Variants in PPP4R2 observed in about 807,000 individuals in gnomAD.
The protein encoded by PPP4R2 is protein phosphatase 4 regulatory subunit 2, also known as serine/threonine-protein phosphatase 4 regulatory subunit 2.
PPP4R2 carries 13 observed loss-of-function variants against 47.2 expected under a neutral mutation model. The observed-to-expected ratio is 0.28, with a 90% CI of 0.18 to 0.44. The LOEUF (loss-of-function observed/expected upper bound fraction) is 0.44, where lower values mean the gene tolerates loss of function less well. Among genes scored for constraint, PPP4R2 ranks in the 20% least tolerant of loss-of-function variants. The pLI is 1.00. For synonymous variants in PPP4R2, 151 were observed against 163.3 expected (o/e 0.92, Z 0.57); for missense variants, 421 against 491.2 (o/e 0.86, Z 1.35).
At chr3:73,016,820 T>TTC (rs1701848211) in intron 2 of PPP4R2, among the ~76,000 whole-genome samples, 2 of 143,248 alleles carry the variant, frequency 1.4e-5, no homozygotes, top group South Asian at 4.6e-4. Flanking sequence ...TTTCTTTTTT[T>TTC]TTTTTTTTTT....
chr3:73,005,824 CTCTG>C (rs1401445157), intron 2 of PPP4R2, among the ~76,000 whole-genome samples: 8 of 59,018 alleles, frequency 1.4e-4, no homozygotes, highest in Non-Finnish European at 2.9e-4. Flanking sequence ...AAGAGTGAAA[CTCTG>C]TCTGCAAAAA....
chr3:73,030,723 G>A (rs1702151352), intron 2 of PPP4R2, among the ~76,000 whole-genome samples: 1 of 150,290 alleles, frequency 6.7e-6, no homozygotes, highest in African/African-American at 2.5e-5. Context: ...CTTTTTTTGA[G>A]ATGGAGTCTC....
intron 1 of PPP4R2, 61 bp downstream of exon 1, chr3:72,997,132 T>C: frequency 7.9e-7 from 1 of 1,257,902 alleles, no homozygotes; most frequent in Non-Finnish European, 1.0e-6. Flanking sequence ...CTTCTCTCCT[T>C]TCAGGGCGGA....
intron 2 of PPP4R2, among the ~76,000 whole-genome samples, chr3:73,002,634 CTTTTTTTTTTTTTTT>C (rs1173734970): frequency 1.9e-4 from 8 of 41,166 alleles, no homozygotes; most frequent in Admixed American, 5.4e-4. Flanking sequence ...CTTTTCTTTT[CTTTTTTTTTTTTTTT>C]TTTTTTTTTT....
At chr3:73,050,530 CATTCT>C (rs1252994599) in intron 3 of PPP4R2, among the ~76,000 whole-genome samples, 1 of 151,856 alleles carries the variant, frequency 6.6e-6, no homozygotes, top group Non-Finnish European at 1.5e-5. Flanking sequence ...AGGGTTTGTC[CATTCT>C]TATACACTCC....
intron 2 of PPP4R2, among the ~76,000 whole-genome samples, chr3:73,042,222 A>G (rs891090993): frequency 5.9e-5 from 9 of 152,050 alleles, no homozygotes; most frequent in African/African-American, 1.9e-4. Flanking sequence ...GAATAATTTG[A>G]TTTTCATATT....
At chr3:73,016,754 T>C (rs1388915175) in intron 2 of PPP4R2, among the ~76,000 whole-genome samples, 1 of 133,510 alleles carries the variant, frequency 7.5e-6, no homozygotes, top group Non-Finnish European at 1.7e-5. Flanking sequence ...TTTTTTTTTT[T>C]AATACAGAGT....
intron 5 of PPP4R2, 65 bp downstream of exon 5, chr3:73,061,125 T>TAAGA: frequency 1.4e-6 from 1 of 709,458 alleles, no homozygotes; most frequent in Non-Finnish European, 2.2e-6. Flanking sequence ...TTGCTTCTAA[T>TAAGA]ATATTATTCT....
At chr3:73,007,054 C>G (rs529422961) in intron 2 of PPP4R2, among the ~76,000 whole-genome samples, 2 of 152,190 alleles carry the variant, frequency 1.3e-5, no homozygotes, top group Non-Finnish European at 2.9e-5. Flanking sequence ...AGATGAAAAA[C>G]TGTAGCACCA....
intron 4 of PPP4R2, among the ~76,000 whole-genome samples, 186 bp downstream of exon 4, chr3:73,059,316 AGAG>A (rs1226733560): frequency 1.3e-5 from 2 of 152,184 alleles, no homozygotes; most frequent in Non-Finnish European, 2.9e-5. Context: ...AGGACCGGGT[AGAG>A]GAGGGTTTGT....
chr3:73,011,002 ATAAT>A (rs942200183), intron 2 of PPP4R2, among the ~76,000 whole-genome samples: 34 of 139,730 alleles, frequency 2.4e-4, no homozygotes, highest in Admixed American at 6.4e-4. Flanking sequence ...GAAGGCTTAA[ATAAT>A]TTGTCCAAGG....
chr3:73,015,711 C>G, intron 2 of PPP4R2: 1 of 330,716 alleles, frequency 3.0e-6, no homozygotes, highest in Non-Finnish European at 6.2e-6. Flanking sequence ...CATCTCGGCT[C>G]ACTGCAAGCT....
chr3:73,006,597 C>CT (rs999739310), intron 2 of PPP4R2, among the ~76,000 whole-genome samples: 16 of 151,954 alleles, frequency 1.1e-4, no homozygotes, highest in Non-Finnish European at 1.6e-4. Context: ...TCCACTTCTG[C>CT]TTTTTTTTGA....
chr3:73,020,671 T>TC (rs1701940400), intron 2 of PPP4R2, among the ~76,000 whole-genome samples: 1 of 40,446 alleles, frequency 2.5e-5, no homozygotes, highest in Non-Finnish European at 5.1e-5. Context: ...CCCTGTCTCT[T>TC]TAAAAAAAAA....
chr3:73,038,072 G>C (rs993295407), intron 2 of PPP4R2, among the ~76,000 whole-genome samples: 2 of 152,204 alleles, frequency 1.3e-5, no homozygotes, highest in African/African-American at 4.8e-5. Context: ...ACATGTGGGG[G>C]TGAAGGGATA....
At chr3:73,061,532 C>G (rs1401181475) in intron 5 of PPP4R2, 1 of 155,152 alleles carries the variant, frequency 6.4e-6, no homozygotes, top group Non-Finnish European at 1.4e-5. Flanking sequence ...CCAGATAATT[C>G]TGTTGTGAGT....
chr3:73,037,889 ATTTTG>A (rs1010438426), intron 2 of PPP4R2, among the ~76,000 whole-genome samples: 2 of 152,120 alleles, frequency 1.3e-5, no homozygotes, highest in African/African-American at 4.8e-5. Context: ...TTCCAAATGA[ATTTTG>A]TTTTATTGTT....
intron 3 of PPP4R2, among the ~76,000 whole-genome samples, chr3:73,054,985 C>CTTTT (rs1339221127): frequency 2.6e-5 from 4 of 151,962 alleles, no homozygotes; most frequent in Non-Finnish European, 4.4e-5. Flanking sequence ...ATTTCCATAG[C>CTTTT]TTTTAGGTGT....
intron 2 of PPP4R2, among the ~76,000 whole-genome samples, chr3:73,040,429 G>T (rs996643874): frequency 2.6e-5 from 4 of 151,460 alleles, no homozygotes; most frequent in Admixed American, 2.0e-4. Flanking sequence ...TGCCTACAGG[G>T]TTTATTATTA....
Sources: gnomAD v4.1 joint callset for allele counts (sites outside exome capture counted in the v4.1 genomes callset) on GRCh38, gnomAD v4.1.1 for gene constraint, MANE v1.5 for transcripts, NCBI Gene and HGNC (gene_info 2026-07-23, HGNC 2026-07-21) for gene names.